Variants in LAPTM5 observed in about 807,000 individuals in gnomAD.
LAPTM5 encodes lysosomal-associated transmembrane protein 5.
A neutral mutation model predicts 30.1 loss-of-function variants in LAPTM5; 11 were observed. The ratio of observed to expected loss-of-function variants is 0.37; its 90% CI spans 0.23 to 0.60. LAPTM5 has a LOEUF of 0.60. Ranked by LOEUF, LAPTM5 falls within the 20% of genes least tolerant of loss-of-function variation. The probability of loss-of-function intolerance (pLI) is 0.71; values close to 1 mark genes in which losing one functional copy is unlikely to be tolerated. For synonymous variants in LAPTM5, 151 were observed against 137.9 expected, an observed-to-expected ratio of 1.10 and a Z score of -0.67; for missense variants, 324 against 332.5, an observed-to-expected ratio of 0.97 and a Z score of 0.20.
At chr1:30,754,885 G>A in intron 1 of LAPTM5, among the ~76,000 whole-genome samples, 1 of 152,256 alleles carries the variant, frequency 6.6e-6, no homozygotes, top group South Asian at 2.1e-4. Flanking sequence ...GCTGGGTCCA[G>A]ATGACAGCCA....
rs1381551671 is a variant in LAPTM5, at chr1:30,737,696, A to G, written c.514T>C (p.Tyr172His). 1 of 1,609,250 alleles carries G rather than the reference A, an allele frequency of 6.2e-7. No homozygotes were observed. The highest frequency in any genetic ancestry group is 8.5e-7 in the Non-Finnish European group (1 of 1,176,044). Residue 172 changes from tyrosine (Y) to histidine (H), a missense_variant, in exon 6 of 8, where the codon TAC (tyrosine) becomes CAC (histidine). Coordinates refer to ENST00000294507, the MANE Select transcript of LAPTM5 (RefSeq NM_006762.3). ...LNFKSMNHMN[Y>H]LPSQEDMPHN... ...GGCATATCCTCCTGGCTGGGGAGGT[A>G]ATTCTGCAACAGATTTGGGGGCCAC... is the stretch of plus-strand genomic sequence containing the variant.
chr1:30,748,834 C>T (rs1305741823), intron 1 of LAPTM5, among the ~76,000 whole-genome samples: 1 of 152,270 alleles, frequency 6.6e-6, no homozygotes, highest in Non-Finnish European at 1.5e-5. Context: ...GCTCACAGAC[C>T]TCAGTGAGAA....
intron 1 of LAPTM5, among the ~76,000 whole-genome samples, chr1:30,756,291 G>A (rs868095036): frequency 6.6e-6 from 1 of 152,180 alleles, no homozygotes; most frequent in East Asian, 1.9e-4. Context: ...GACAACCTCT[G>A]AGTTCCTCCT....
At chr1:30,744,150 G>A (rs1640011796) in intron 1 of LAPTM5, among the ~76,000 whole-genome samples, 1 of 152,138 alleles carries the variant, frequency 6.6e-6, no homozygotes, top group Non-Finnish European at 1.5e-5. Flanking sequence ...CAGGAGCACG[G>A]TGCATGCTCT....
intron 6 of LAPTM5, among the ~76,000 whole-genome samples, chr1:30,735,567 G>A (rs1190678092): frequency 6.6e-6 from 1 of 152,178 alleles, no homozygotes; most frequent in Non-Finnish European, 1.5e-5. Context: ...CACACTGCCT[G>A]GAAGCTCACT....
chr1:30,752,161 G>A (rs948896301), intron 1 of LAPTM5, among the ~76,000 whole-genome samples: 1 of 152,190 alleles, frequency 6.6e-6, no homozygotes, highest in Admixed American at 6.5e-5. Flanking sequence ...GGCAGGGAAG[G>A]AACTCATTTG....
At chr1:30,754,153 T>A (rs372513002) in intron 1 of LAPTM5, among the ~76,000 whole-genome samples, 29 of 152,210 alleles carry the variant, frequency 1.9e-4, no homozygotes, top group African/African-American at 6.7e-4. Context: ...GGCAAAAGTG[T>A]CTTCTGGGGG....
At chr1:30,737,541 C>T in intron 6 of LAPTM5, 63 bp downstream of exon 6, 3 of 1,215,862 alleles carry the variant, frequency 2.5e-6, no homozygotes, top group Non-Finnish European at 3.6e-6. Context: ...TTGGCATGGG[C>T]AGGCCTGGGC....
chr1:30,739,829 A>G lies in LAPTM5; in HGVS notation c.367T>C (p.Leu123=), dbSNP rs894238769. ...CTCACAGCACGGCTCCGGGAGGCCA[A>G]CTTGAGGTAGGCGGGCAGCTCAATG... ...SYIELPAYLK[L]ASRSRASSSK... Residue 123 remains leucine, a synonymous_variant, in exon 4 of 8, where the codon TTG becomes CTG. Transcript: ENST00000294507. This position sits in a 1 kb window ranked among gnomAD's most constrained non-coding sequence, Gnocchi z 4.2. The G allele has an allele frequency of 1.9e-5, 30 of 1,605,174 alleles. No individual in the cohort carries two copies. The highest frequency in any genetic ancestry group is 2.4e-5 in the Non-Finnish European group (28 of 1,175,480).
rs1639934477 is a variant in LAPTM5, at chr1:30,739,317, A to G, written c.388-255T>C. On this transcript the variant is annotated intron_variant, in intron 4 of 7. Transcript: ENST00000294507. The surrounding 1 kb of genome is among the most constrained non-coding windows in gnomAD (Gnocchi z 4.2). ...ATGATGTAGCCCCCCGGTCTCTTCA[A>G]GGACAACAGTTGGGGAGAGTGAGAA... 2.5e-6 allele frequency: 1 copy of G among 401,158 alleles called. No individual in the cohort carries two copies. The highest frequency in any genetic ancestry group is 2.0e-5 in the African/African-American group (1 of 49,136). The allele number at this position is 401,158 out of a possible 1,614,324, so 24.8% of individuals were successfully genotyped here.
chr1:30,733,965 G>T, intron 7 of LAPTM5, 48 bp from the exon 8 acceptor site: 1 of 1,579,338 alleles, frequency 6.3e-7, no homozygotes, highest in Non-Finnish European at 8.6e-7. Context: ...AGAATGACCT[G>T]CAATTCCAAC....
chr1:30,742,553 G>T lies in LAPTM5; in HGVS notation c.88-4C>A. 6.2e-7 allele frequency: 1 copy of T among 1,611,846 alleles called. No homozygotes were observed. On this transcript the variant is annotated splice_polypyrimidine_tract_variant and splice_region_variant and intron_variant, in intron 1 of 7. Transcript: ENST00000294507. The stretch of plus-strand genomic sequence containing the variant: ...TGAACAACAAGACGCTCATGATCTG[G>T]AGGCAAAGCAAAGCATCAGTCAGCT...
chr1:30,733,449 T>C lies in LAPTM5; in HGVS notation c.*379A>G, dbSNP rs760019670. On this transcript the variant is annotated 3_prime_UTR_variant, in exon 8 of 8. Coordinates refer to ENST00000294507, the MANE Select transcript of LAPTM5 (RefSeq NM_006762.3). Reference sequence around the variant, plus strand: ...AATAGACTGTTGTTTGACCAAATTATTTTACTGAACTGACAAGTGGGTTTT... The same window carrying C: ...AATAGACTGTTGTTTGACCAAATTACTTTACTGAACTGACAAGTGGGTTTT... 3.8e-5 allele frequency: 45 copies of C among 1,191,114 alleles called. No homozygotes were observed. Among genetic ancestry groups the C allele is most frequent in the Non-Finnish European group, 4.9e-5 (45 of 918,298 alleles). The allele number at this position is 1,191,114 out of a possible 1,614,324, so 73.8% of individuals were successfully genotyped here.
chr1:30,742,229 G>A (rs1262082539), intron 2 of LAPTM5: 3 of 576,740 alleles, frequency 5.2e-6, no homozygotes, highest in Non-Finnish European at 9.3e-6. Flanking sequence ...GATTTGCAAA[G>A]TGCCATTCCA....
Position 30,746,849 on chromosome 1 carries a change from G to A in LAPTM5, c.88-4300C>T, listed in dbSNP as rs947524911. 3.9e-5 allele frequency among the ~76,000 whole-genome samples: 6 copies of A among 152,314 alleles called. No individual in the cohort carries two copies. The highest frequency in any genetic ancestry group is 4.1e-4 in the South Asian group (2 of 4,830). On this transcript the variant is annotated intron_variant, in intron 1 of 7. Transcript: ENST00000294507. This position sits in a 1 kb window ranked among gnomAD's most constrained non-coding sequence, Gnocchi z 4.0. ...AGGATTGCTGAGGTCAAATGGAATC[G>A]TGTGGTGCGCGGAGCCGGGCACACA... is the stretch of plus-strand genomic sequence containing the variant.
intron 1 of LAPTM5, among the ~76,000 whole-genome samples, chr1:30,753,427 A>T (rs1640165397): frequency 6.6e-6 from 1 of 152,248 alleles, no homozygotes. Context: ...CAAAGTCACC[A>T]GCAACAGTGG....
intron 1 of LAPTM5, 146 bp downstream of exon 1, chr1:30,757,513 G>T: frequency 3.6e-6 from 3 of 826,874 alleles, no homozygotes; most frequent in Non-Finnish European, 6.0e-6. Flanking sequence ...GAGGCCCAGA[G>T]CAGGACAGGG....
chr1:30,743,276 C>A (rs1367893095), intron 1 of LAPTM5, among the ~76,000 whole-genome samples: 2 of 152,172 alleles, frequency 1.3e-5, no homozygotes, highest in East Asian at 3.8e-4. Flanking sequence ...TCTCTTTGTT[C>A]ATTCCCCTAG....
intron 1 of LAPTM5, among the ~76,000 whole-genome samples, chr1:30,749,298 A>C (rs1002051095): frequency 6.6e-6 from 1 of 152,194 alleles, no homozygotes; most frequent in Non-Finnish European, 1.5e-5. Context: ...TGTATGTATT[A>C]TAGAACTACA....
Sources: gnomAD v4.1 joint callset for allele counts (sites outside exome capture counted in the v4.1 genomes callset) on GRCh38, gnomAD v4.1.1 for gene constraint, Gnocchi (gnomAD v3.1) non-coding constraint, MANE v1.5 for transcripts, NCBI Gene and HGNC (gene_info 2026-07-23, HGNC 2026-07-21) for gene names.